LEF1: variants seen among roughly 807,000 people sequenced by gnomAD.
LEF1 encodes lymphoid enhancer-binding factor 1.
LEF1 carries 14 observed loss-of-function variants against 51.2 expected under a neutral mutation model. The ratio of observed to expected loss-of-function variants is 0.27; its 90% confidence interval spans 0.18 to 0.43. The LOEUF (loss-of-function observed/expected upper bound fraction) is 0.43. LEF1 is among the 20% of genes least tolerant of loss of function. The pLI, the probability that LEF1 is intolerant of heterozygous loss-of-function variation, is 1.00. For synonymous variants in LEF1, 185 were observed against 183.2 expected (o/e 1.01, Z -0.08); for missense variants, 386 against 512.0 (o/e 0.75, Z 2.37).
intron 3 of LEF1, among the ~76,000 whole-genome samples, chr4:108,099,243 T>C (rs1740588179): frequency 6.6e-6 from 1 of 152,124 alleles, no homozygotes; most frequent in Non-Finnish European, 1.5e-5. Flanking sequence ...GACTTGCATT[T>C]GTGATCTGCA....
intron 11 of LEF1, among the ~76,000 whole-genome samples, chr4:108,058,424 T>A (rs1474472858): frequency 6.6e-6 from 1 of 152,210 alleles, no homozygotes; most frequent in Non-Finnish European, 1.5e-5. Flanking sequence ...TAATTTCATA[T>A]AAATCTTAAG....
intron 4 of LEF1, 66 bp downstream of exon 4, chr4:108,089,059 C>A: frequency 6.3e-7 from 1 of 1,595,032 alleles, no homozygotes; most frequent in Non-Finnish European, 8.6e-7. Flanking sequence ...GAAGGTCACT[C>A]AGGCTGATGA....
At chr4:108,160,382 T>C (rs1744988715) in intron 3 of LEF1, among the ~76,000 whole-genome samples, 1 of 152,232 alleles carries the variant, frequency 6.6e-6, no homozygotes, top group Non-Finnish European at 1.5e-5. Context: ...CTAAAATATT[T>C]AACAGGCTTC....
At chr4:108,136,038 G>GTGA (rs764219418) in intron 3 of LEF1, among the ~76,000 whole-genome samples, 6 of 152,144 alleles carry the variant, frequency 3.9e-5, no homozygotes, top group Non-Finnish European at 7.3e-5. Context: ...TCAGGGGAAG[G>GTGA]TGATGATGTG....
chr4:108,095,645 G>C (rs1315201160), intron 3 of LEF1, among the ~76,000 whole-genome samples: 2 of 152,186 alleles, frequency 1.3e-5, no homozygotes, highest in African/African-American at 2.4e-5. Context: ...ACAACAGAAT[G>C]CTGGAAGGGC....
intron 3 of LEF1, among the ~76,000 whole-genome samples, chr4:108,129,989 T>C (rs1742771200): frequency 1.3e-5 from 2 of 152,224 alleles, no homozygotes; most frequent in Non-Finnish European, 2.9e-5. Flanking sequence ...TGAGTAACGA[T>C]ACTATTTACA....
intron 3 of LEF1, among the ~76,000 whole-genome samples, chr4:108,113,290 C>T (rs760651269): frequency 6.6e-6 from 1 of 152,158 alleles, no homozygotes; most frequent in Non-Finnish European, 1.5e-5. Context: ...CTCCAGAGCA[C>T]TAGTTGCTGC....
At chr4:108,166,585 C>A in intron 1 of LEF1, 1 of 1,141,472 alleles carries the variant, frequency 8.8e-7, no homozygotes, top group African/African-American at 1.6e-5. Context: ...TTCAAACAGC[C>A]CTCCAGCGCG....
At chr4:108,159,844 T>A (rs1218544805) in intron 3 of LEF1, among the ~76,000 whole-genome samples, 1 of 152,140 alleles carries the variant, frequency 6.6e-6, no homozygotes, top group Non-Finnish European at 1.5e-5. Context: ...ATTTCTACTT[T>A]AAAAAAATAA....
At chr4:108,078,569 C>A (rs900992765) in intron 7 of LEF1, 187 bp from the exon 8 acceptor site, 3 of 666,278 alleles carry the variant, frequency 4.5e-6, no homozygotes, top group African/African-American at 3.6e-5. Flanking sequence ...GAGAGGCAAA[C>A]AACCCATCCA....
At position 108,048,326 on chromosome 4, in the gene LEF1, G is replaced by C. The variant is rs1409658063; in HGVS notation, c.*432C>G. On this transcript the variant is annotated 3_prime_UTR_variant, in exon 12 of 12. Transcript: ENST00000265165. ...CACTGGGGTGCTGATGGATGTGCTG[G>C]TTGCTGGCTCCAGTTGCGCATGACA... 2.8e-5 allele frequency: 5 copies of C among 178,358 alleles called. No individual in the cohort carries two copies. In the Admixed American group the frequency reaches 3.1e-4, roughly 11 times the overall value. 11.0% of individuals were successfully genotyped at this position (178,358 alleles called of 1,614,324 possible).
chr4:108,064,463 A>T, intron 9 of LEF1, 79 bp from the exon 10 acceptor site: 1 of 1,084,850 alleles, frequency 9.2e-7, no homozygotes. Flanking sequence ...AAGTACAGGC[A>T]GGTGGTCAAC....
At chr4:108,122,858 TAAATA>T (rs964324168) in intron 3 of LEF1, among the ~76,000 whole-genome samples, 19 of 152,164 alleles carry the variant, frequency 1.2e-4, no homozygotes, top group East Asian at 3.8e-4. Context: ...AACTTAATAT[TAAATA>T]AAAGTAAATA....
intron 3 of LEF1, among the ~76,000 whole-genome samples, chr4:108,106,811 C>T (rs1447355449): frequency 1.3e-5 from 2 of 152,192 alleles, no homozygotes; most frequent in East Asian, 1.9e-4. Context: ...AGTGACATTA[C>T]ATGGTCATCT....
chr4:108,086,845 C>CACACACACACACACAT (rs1419298843), intron 4 of LEF1, among the ~76,000 whole-genome samples: 6 of 152,094 alleles, frequency 3.9e-5, no homozygotes, highest in Non-Finnish European at 5.9e-5. Context: ...CACACACACA[C>CACACACACACACACAT]ACACGTGAAA....
chr4:108,157,488 T>C (rs1309468306), intron 3 of LEF1, among the ~76,000 whole-genome samples: 1 of 152,138 alleles, frequency 6.6e-6, no homozygotes, highest in Admixed American at 6.5e-5. Context: ...ACAATGACAA[T>C]AAATTACTAT....
At chr4:108,123,875 T>A (rs1416093748) in intron 3 of LEF1, among the ~76,000 whole-genome samples, 1 of 152,162 alleles carries the variant, frequency 6.6e-6, no homozygotes, top group Non-Finnish European at 1.5e-5. Context: ...GTGCAGTGGC[T>A]CATGCCTGTA....
At position 108,075,175 on chromosome 4, in the gene LEF1, C is replaced by T. The variant is rs547399317; in HGVS notation, c.1008+3045G>A. Among the ~76,000 whole-genome samples the T allele has an allele frequency of 2.6e-5, 4 of 152,214 alleles. No homozygotes were observed. In the South Asian group the frequency reaches 8.3e-4, roughly 32 times the overall value. ...GGGAGATAGGGCATTGTACACAGGA[C>T]ACCAAAAAAGCTATAATCTATCACC... On this transcript the variant is annotated intron_variant, in intron 8 of 11. Transcript: ENST00000265165.
At chr4:108,133,963 T>A (rs1743070567) in intron 3 of LEF1, among the ~76,000 whole-genome samples, 1 of 152,198 alleles carries the variant, frequency 6.6e-6, no homozygotes, top group Non-Finnish European at 1.5e-5. Flanking sequence ...CTGCACGTCT[T>A]ACAACTTAAT....
Sources: gnomAD v4.1 joint callset for allele counts (sites outside exome capture counted in the v4.1 genomes callset) on GRCh38, gnomAD v4.1.1 for gene constraint, MANE v1.5 for transcripts, NCBI Gene and HGNC (gene_info 2026-07-23, HGNC 2026-07-21) for gene names.